The following TPMT variants were observed in gnomAD, a reference collection of about 807,000 sequenced individuals.
TPMT encodes S-adenosyl-L-methionine:thiopurine S-methyltransferase.
TPMT carries 18 observed loss-of-function variants against 34.2 expected under a neutral mutation model. The observed-to-expected ratio is 0.53, with a 90% CI of 0.36 to 0.78. TPMT has a LOEUF of 0.78. TPMT is among the 30% of genes least tolerant of loss of function. The probability of loss-of-function intolerance (pLI) is 0.00; values close to 1 mark genes in which losing one functional copy is unlikely to be tolerated. For synonymous variants in TPMT, 69 were observed against 92.4 expected (o/e 0.75, Z 1.45); for missense variants, 265 against 288.1 (o/e 0.92, Z 0.58).
rs1039674151 is a variant in TPMT, at chr6:18,155,055, C to A, written c.-67G>T. ...TACCTCGCTTACAGCTGGTTGCCGGCCATTGCCTCCGCCACCAATGACGTC... is the reference window on the plus strand; with the variant it reads ...TACCTCGCTTACAGCTGGTTGCCGGACATTGCCTCCGCCACCAATGACGTC... On this transcript the variant is annotated 5_prime_UTR_variant, in exon 1 of 9. Coordinates refer to ENST00000309983, the MANE Select transcript of TPMT (RefSeq NM_000367.5). This position sits in a 1 kb window ranked among gnomAD's most constrained non-coding sequence, Gnocchi z 6.2. 1.3e-5 allele frequency: 2 copies of A among 152,942 alleles called. No individual in the cohort carries two copies. The highest frequency in any genetic ancestry group is 4.8e-5 in the African/African-American group (2 of 41,448). 9.5% of individuals were successfully genotyped at this position (152,942 alleles called of 1,614,324 possible).
intron 6 of TPMT, among the ~76,000 whole-genome samples, chr6:18,134,429 T>C (rs1203961399): frequency 2.0e-5 from 3 of 150,684 alleles, no homozygotes; most frequent in Non-Finnish European, 1.5e-5. Flanking sequence ...TTTTTTCCTC[T>C]ATTTAGTTAG....
In TPMT at chr6:18,147,874, C is replaced by T; in HGVS notation, c.182G>A (p.Ser61Asn). The change falls in exon 3 of 9, where the codon AGT becomes AAT. Residue 61 changes from serine to asparagine, a missense_variant. Coordinates refer to ENST00000309983, the MANE Select transcript of TPMT (RefSeq NM_000367.5). ...AAGAGGAAAAAATACCCTCAGTCCACTCTTGCCTTTAAGGAAAGTATCTAA... is the reference window on the plus strand; with the variant it reads ...AAGAGGAAAAAATACCCTCAGTCCATTCTTGCCTTTAAGGAAAGTATCTAA... ...KHLDTFLKGK[S>N]GLRVFFPLCG... 1 of 1,613,868 alleles carries T rather than the reference C, an allele frequency of 6.2e-7. No homozygotes were observed. Among genetic ancestry groups the T allele is most frequent in the Non-Finnish European group, 8.5e-7 (1 of 1,179,912 alleles).
At chr6:18,141,560 G>A (rs553958144) in intron 4 of TPMT, among the ~76,000 whole-genome samples, 7 of 152,092 alleles carry the variant, frequency 4.6e-5, no homozygotes, top group Admixed American at 2.6e-4. Flanking sequence ...TGCTGGTCCT[G>A]AACTCCTGAC....
At chr6:18,155,099 T>A (rs1784468381), upstream of TPMT, 1 of 124,976 alleles carries the variant, frequency 8.0e-6, no homozygotes, top group Admixed American at 8.0e-5. This position sits in a 1 kb window ranked among gnomAD's most constrained non-coding sequence, Gnocchi z 6.2. Flanking sequence ...CGGGTACGCC[T>A]CCGCTTCCAC....
At position 18,140,274 on chromosome 6, in the gene TPMT, G is replaced by A. The variant is rs143832707; in HGVS notation, c.367-557C>T. On this transcript the variant is annotated intron_variant, in intron 4 of 8. Transcript: ENST00000309983. This position sits in a 1 kb window ranked among gnomAD's most constrained non-coding sequence, Gnocchi z 4.7. ...TGAGGACAGACTAGAGCAGAGAAGC[G>A]TGGGCACAGAGAACATTACAATCCA... Among the ~76,000 whole-genome samples, 3 of 152,192 alleles carry A rather than the reference G, an allele frequency of 2.0e-5. No individual in the cohort carries two copies. The highest frequency in any genetic ancestry group is 2.1e-4 in the South Asian group (1 of 4,822).
chr6:18,139,595 C>T lies in TPMT; in HGVS notation c.419+70G>A. ...GAGGAAGAGAGTGAGGAAGACACCT[C>T]CACTCCCATGCCTGCACTGCCTGGC... is the stretch of plus-strand genomic sequence containing the variant. On this transcript the variant is annotated intron_variant, in intron 5 of 8. Coordinates refer to ENST00000309983, the MANE Select transcript of TPMT (RefSeq NM_000367.5). This position sits in a 1 kb window ranked among gnomAD's most constrained non-coding sequence, Gnocchi z 4.2. 1.6e-6 allele frequency: 2 copies of T among 1,242,768 alleles called. No individual in the cohort carries two copies. The highest frequency in any genetic ancestry group is 2.4e-6 in the Non-Finnish European group (2 of 844,656). 77.0% of individuals were successfully genotyped at this position (1,242,768 alleles called of 1,614,324 possible). A position where few individuals can be genotyped will look rare whatever the true frequency, so the allele number is the denominator to read the frequency against.
At chr6:18,134,697 A>G (rs895355199) in intron 6 of TPMT, among the ~76,000 whole-genome samples, 1 of 152,174 alleles carries the variant, frequency 6.6e-6, no homozygotes, top group African/African-American at 2.4e-5. Flanking sequence ...ACCAAAGAGG[A>G]ATTGCTAATT....
Position 18,154,792 on chromosome 6 carries a change from A to T in TPMT, c.-45+241T>A, listed in dbSNP as rs1011052279. The stretch of plus-strand genomic sequence containing the variant: ...TGTCTCTAAAAGAAAAAAGAAAAAA[A>T]AATAATTAAAACACACCAGTGCTTT... On this transcript the variant is annotated intron_variant, in intron 1 of 8. Coordinates refer to ENST00000309983, the MANE Select transcript of TPMT (RefSeq NM_000367.5). This position sits in a 1 kb window ranked among gnomAD's most constrained non-coding sequence, Gnocchi z 4.2. Among the ~76,000 whole-genome samples the T allele has an allele frequency of 3.2e-4, 48 of 152,262 alleles. No individual in the cohort carries two copies. The highest frequency in any genetic ancestry group is 1.0e-3 in the African/African-American group (43 of 41,556).
In TPMT at chr6:18,149,140, A is replaced by G. The variant is rs1784303834; in HGVS notation, c.-13T>C. 6.2e-7 allele frequency: 1 copy of G among 1,613,904 alleles called. No homozygotes were observed. Among genetic ancestry groups the G allele is most frequent in the South Asian group, 1.1e-5 (1 of 91,082 alleles). ...TTGTACCATCCATAGTTTCAGAGAC[A>G]CCTTTGTCTCACAAGCATATGTCTT... On this transcript the variant is annotated 5_prime_UTR_variant, in exon 2 of 9. Coordinates refer to ENST00000309983, the MANE Select transcript of TPMT (RefSeq NM_000367.5). The surrounding 1 kb of genome is among the most constrained non-coding windows in gnomAD (Gnocchi z 5.0).
intron 4 of TPMT, among the ~76,000 whole-genome samples, chr6:18,142,119 C>T (rs972420138): frequency 1.3e-5 from 2 of 152,004 alleles, no homozygotes; most frequent in East Asian, 1.9e-4. Flanking sequence ...CTATAAAATC[C>T]GGCGCTTCTA....
rs1784120439 is a variant in TPMT, at chr6:18,140,568, C to T, written c.367-851G>A. Among the ~76,000 whole-genome samples the T allele has an allele frequency of 6.6e-6, 1 of 152,202 alleles. No homozygotes were observed. ...GTGTGGTGGCACACACCTGTAGTTCCAGCTACCTGGGAGGCTGACATGCGA... is the reference window on the plus strand; with the variant it reads ...GTGTGGTGGCACACACCTGTAGTTCTAGCTACCTGGGAGGCTGACATGCGA... On this transcript the variant is annotated intron_variant, in intron 4 of 8. Transcript: ENST00000309983. This position sits in a 1 kb window ranked among gnomAD's most constrained non-coding sequence, Gnocchi z 4.7.
rs1179766181 is a variant in TPMT, at chr6:18,153,022, T to C, written c.-45+2011A>G. Among the ~76,000 whole-genome samples, 1 of 152,218 alleles carries C rather than the reference T, an allele frequency of 6.6e-6. No individual in the cohort carries two copies. Among genetic ancestry groups the C allele is most frequent in the Non-Finnish European group, 1.5e-5 (1 of 68,036 alleles). On this transcript the variant is annotated intron_variant, in intron 1 of 8. Transcript: ENST00000309983. The surrounding 1 kb of genome is among the most constrained non-coding windows in gnomAD (Gnocchi z 4.2). The stretch of plus-strand genomic sequence containing the variant: ...ATTGTGGTAACACCGCCATTTTTTG[T>C]GCATGGTACCCATGAAGCTCAATTA...
Position 18,143,467 on chromosome 6 carries a change from A to C in TPMT, c.366+129T>G. 8.3e-7 allele frequency: 1 copy of C among 1,197,976 alleles called. No individual in the cohort carries two copies. Among genetic ancestry groups the C allele is most frequent in the Admixed American group, 1.9e-5 (1 of 53,892 alleles). The allele number at this position is 1,197,976 out of a possible 1,614,324, so 74.2% of individuals were successfully genotyped here. ...TAAGCCCTTGCTTCTTATACTATAT[A>C]GTATCTACAGTGAATCTGCGTGCTA... On this transcript the variant is annotated intron_variant, in intron 4 of 8. Transcript: ENST00000309983. The surrounding 1 kb of genome is among the most constrained non-coding windows in gnomAD (Gnocchi z 6.1).
In TPMT at chr6:18,143,773, A is replaced by C. The variant is rs1361182799; in HGVS notation, c.234-45T>G. The C allele has an allele frequency of 6.2e-7, 1 of 1,609,552 alleles. No individual in the cohort carries two copies. Among genetic ancestry groups the C allele is most frequent in the Non-Finnish European group, 8.5e-7 (1 of 1,177,388 alleles). ...TACACTTAAATTATGTTTTCAAATG[A>C]CTAAATAGAGGGTTATATTAGAGTA... On this transcript the variant is annotated intron_variant, in intron 3 of 8. Transcript: ENST00000309983. The surrounding 1 kb of genome is among the most constrained non-coding windows in gnomAD (Gnocchi z 6.1).
chr6:18,155,096 G>C (rs1784468268), upstream of TPMT: 1 of 125,938 alleles, frequency 7.9e-6, no homozygotes, highest in African/African-American at 3.2e-5. The surrounding 1 kb of genome is among the most constrained non-coding windows in gnomAD (Gnocchi z 6.2). Context: ...GGGCGGGTAC[G>C]CCTCCGCTTC....
intron 1 of TPMT, among the ~76,000 whole-genome samples, chr6:18,152,813 G>A (rs1185849678): frequency 6.6e-6 from 1 of 152,064 alleles, no homozygotes; most frequent in African/African-American, 2.4e-5. Context: ...AGGGAAACCA[G>A]CCCTTTCAAA....
chr6:18,145,257 A>C lies in TPMT; in HGVS notation c.234-1529T>G, dbSNP rs1784227583. On this transcript the variant is annotated intron_variant, in intron 3 of 8. Coordinates refer to ENST00000309983, the MANE Select transcript of TPMT (RefSeq NM_000367.5). This position sits in a 1 kb window ranked among gnomAD's most constrained non-coding sequence, Gnocchi z 5.6. ...TGGTCAGTGCCACATTAAAAAACAA[A>C]AACAGGAACCTAATAATAACAGTTT... is the stretch of plus-strand genomic sequence containing the variant. Among the ~76,000 whole-genome samples, 1 of 152,228 alleles carries C rather than the reference A, an allele frequency of 6.6e-6. No homozygotes were observed. Among genetic ancestry groups the C allele is most frequent in the Non-Finnish European group, 1.5e-5 (1 of 68,042 alleles).
Position 18,153,207 on chromosome 6 carries a change from C to T in TPMT, c.-45+1826G>A, listed in dbSNP as rs774749375. Among the ~76,000 whole-genome samples, 1 of 152,226 alleles carries T rather than the reference C, an allele frequency of 6.6e-6. No individual in the cohort carries two copies. Among genetic ancestry groups the T allele is most frequent in the Non-Finnish European group, 1.5e-5 (1 of 68,052 alleles). ...TCTGGCCTGCGGCTACACTTCTCAGCCAGTCAGAATGGCTGCTCTACAGTC... is the reference window on the plus strand; with the variant it reads ...TCTGGCCTGCGGCTACACTTCTCAGTCAGTCAGAATGGCTGCTCTACAGTC... On this transcript the variant is annotated intron_variant, in intron 1 of 8. Coordinates refer to ENST00000309983, the MANE Select transcript of TPMT (RefSeq NM_000367.5). The surrounding 1 kb of genome is among the most constrained non-coding windows in gnomAD (Gnocchi z 4.2).
rs1386159463 is a variant in TPMT at position 18,140,544 on chromosome 6, T to C, written c.367-827A>G. Among the ~76,000 whole-genome samples, 1 of 151,734 alleles carries C rather than the reference T, an allele frequency of 6.6e-6. No individual in the cohort carries two copies. Among genetic ancestry groups the C allele is most frequent in the Non-Finnish European group, 1.5e-5 (1 of 67,920 alleles). ...AACTCTACAGAAAAAATTAGATGGG[T>C]GTGGTGGCACACACCTGTAGTTCCA... On this transcript the variant is annotated intron_variant, in intron 4 of 8. Coordinates refer to ENST00000309983, the MANE Select transcript of TPMT (RefSeq NM_000367.5). This position sits in a 1 kb window ranked among gnomAD's most constrained non-coding sequence, Gnocchi z 4.7.
Sources: allele counts gnomAD v4.1 joint callset (sites outside exome capture counted in the v4.1 genomes callset), GRCh38; gene constraint gnomAD v4.1.1; non-coding constraint Gnocchi (gnomAD v3.1); transcripts MANE v1.5; gene names NCBI Gene and HGNC (gene_info 2026-07-23, HGNC 2026-07-21).